The following HMCN1 variants were observed in gnomAD, a reference collection of about 807,000 sequenced individuals.
The protein encoded by HMCN1 is hemicentin 1.
HMCN1 carries 321 observed loss-of-function variants against 625.9 expected under a neutral mutation model. The observed-to-expected ratio is 0.51, with a 90% CI of 0.47 to 0.56. The LOEUF (loss-of-function observed/expected upper bound fraction) is 0.56, where lower values mean the gene tolerates loss of function less well. HMCN1 is among the 20% of genes least tolerant of loss of function. HMCN1 has a pLI of 0.00. For synonymous variants in HMCN1, 2,425 were observed against 2,417.6 expected (o/e 1.00, Z -0.09); for missense variants, 6,588 against 6,887.3 (o/e 0.96, Z 1.54).
intron 14 of HMCN1, 64 bp from the exon 15 acceptor site, chr1:185,970,266 TAAACC>T: frequency 6.9e-7 from 1 of 1,440,282 alleles, no homozygotes; most frequent in Non-Finnish European, 9.8e-7. Flanking sequence ...GTTTTGAAAT[TAAACC>T]AATAGCTGCA....
intron 1 of HMCN1, among the ~76,000 whole-genome samples, chr1:185,773,201 G>T (rs1423546586): frequency 6.6e-6 from 1 of 152,118 alleles, no homozygotes; most frequent in African/African-American, 2.4e-5. Context: ...TATCACAAGT[G>T]GGGAAAGCTA....
intron 10 of HMCN1, among the ~76,000 whole-genome samples, chr1:185,932,085 A>G (rs1411364862): frequency 6.6e-6 from 1 of 152,208 alleles, no homozygotes; most frequent in Non-Finnish European, 1.5e-5. Flanking sequence ...CAGATTTAAC[A>G]AAGTGTCCTG....
chr1:185,771,869 A>C (rs1484580401), intron 1 of HMCN1, among the ~76,000 whole-genome samples: 1 of 152,168 alleles, frequency 6.6e-6, no homozygotes, highest in Non-Finnish European at 1.5e-5. Flanking sequence ...AATTTGATAC[A>C]TTACGTGCTT....
chr1:185,881,000 C>A (rs966441149), intron 4 of HMCN1, among the ~76,000 whole-genome samples: 1 of 152,176 alleles, frequency 6.6e-6, no homozygotes, highest in Non-Finnish European at 1.5e-5. Flanking sequence ...AAAATCTTTG[C>A]GGCAGCATCC....
chr1:186,090,986 C>T, intron 64 of HMCN1, 69 bp downstream of exon 64: 5 of 1,461,558 alleles, frequency 3.4e-6, no homozygotes, highest in Non-Finnish European at 4.8e-6. Flanking sequence ...CTTCAAATTT[C>T]ACATGAATAA....
chr1:185,987,126 T>C (rs1652051513), intron 19 of HMCN1, among the ~76,000 whole-genome samples: 1 of 151,688 alleles, frequency 6.6e-6, no homozygotes, highest in Non-Finnish European at 1.5e-5. Context: ...CTGTCTTGGG[T>C]TTCCAGCAAA....
chr1:186,173,060 T>G (rs1041317281), intron 102 of HMCN1, among the ~76,000 whole-genome samples: 4 of 152,222 alleles, frequency 2.6e-5, no homozygotes, highest in Admixed American at 6.5e-5. Context: ...GTGTTAAAAT[T>G]CATTGTTCCT....
chr1:186,018,906 G>C (rs944574094), intron 34 of HMCN1, among the ~76,000 whole-genome samples: 1 of 152,062 alleles, frequency 6.6e-6, no homozygotes, highest in Non-Finnish European at 1.5e-5. Context: ...TGTCTCACTT[G>C]CTGGCAGAAC....
At chr1:185,969,226 C>T (rs553088451) in intron 14 of HMCN1, among the ~76,000 whole-genome samples, 36 of 152,284 alleles carry the variant, frequency 2.4e-4, no homozygotes, top group African/African-American at 6.0e-4. Flanking sequence ...AGAGGCATAT[C>T]GACACAGCTT....
rs181350557 is a variant in HMCN1, at chr1:185,895,321, T to C, written c.622-14016T>C. On this transcript the variant is annotated intron_variant, in intron 4 of 106. Transcript: ENST00000271588. ...CAAGATATTTTGTGGGTTTTGAGTATTAGATAATTATCCTATACTTCCATT... is the reference window on the plus strand; with the variant it reads ...CAAGATATTTTGTGGGTTTTGAGTACTAGATAATTATCCTATACTTCCATT... Among the ~76,000 whole-genome samples the C allele has an allele frequency of 3.3e-5, 5 of 152,298 alleles. No homozygotes were observed. The East Asian group carries it at 9.6e-4, about 29-fold the overall frequency.
Position 186,189,701 on chromosome 1 carries a change from T to C in HMCN1, c.16731T>C (p.Thr5577=), listed in dbSNP as rs146867591. 761 of 1,613,434 alleles carry C rather than the reference T, an allele frequency of 4.7e-4. 3 individuals carry two copies. The highest frequency in any genetic ancestry group is 5.8e-4 in the Admixed American group (35 of 59,958). Residue 5577 remains threonine (T), a synonymous_variant, in exon 107 of 107, where the codon ACT becomes ACC. Coordinates refer to ENST00000271588, the MANE Select transcript of HMCN1 (RefSeq NM_031935.3). ...TTFLMVDEEQ[T]VPFALRDENL... ...TCCTCATGGTAGATGAGGAACAGAC[T>C]GTTCCTTTTGCCTTGAGGGATGAAA...
intron 105 of HMCN1, among the ~76,000 whole-genome samples, chr1:186,185,018 G>A (rs1336334285): frequency 6.6e-6 from 1 of 152,114 alleles, no homozygotes; most frequent in Non-Finnish European, 1.5e-5. Flanking sequence ...GAGGGTAATA[G>A]ACCAGAGACA....
Position 186,093,621 on chromosome 1 carries a change from T to C in HMCN1, c.10148T>C (p.Leu3383Pro). Reference sequence around the variant, plus strand: ...AACTGGCTGAAGAATGGACTTCCTCTGCCTCTCTCCTCCCATATCCGGTTA... The same window carrying C: ...AACTGGCTGAAGAATGGACTTCCTCCGCCTCTCTCCTCCCATATCCGGTTA... ...QINWLKNGLP[L>P]PLSSHIRLLA... The change falls in exon 66 of 107, where the codon CTG becomes CCG. Residue 3383 changes from leucine to proline, a missense_variant. Coordinates refer to ENST00000271588, the MANE Select transcript of HMCN1 (RefSeq NM_031935.3). The C allele has an allele frequency of 6.2e-7, 1 of 1,613,462 alleles. No individual in the cohort carries two copies. The highest frequency in any genetic ancestry group is 1.3e-5 in the African/African-American group (1 of 75,008).
At chr1:185,961,244 C>T (rs1649997965) in intron 11 of HMCN1, among the ~76,000 whole-genome samples, 1 of 152,178 alleles carries the variant, frequency 6.6e-6, no homozygotes, top group Non-Finnish European at 1.5e-5. Context: ...TATAGATTCC[C>T]CAAGCTGTTG....
At chr1:186,069,200 T>C (rs1449927341) in intron 50 of HMCN1, among the ~76,000 whole-genome samples, 2 of 152,220 alleles carry the variant, frequency 1.3e-5, no homozygotes, top group African/African-American at 4.8e-5. Flanking sequence ...TTTGAATGCC[T>C]GAATTAAGAA....
chr1:185,811,424 TA>T (rs887376865), intron 1 of HMCN1, among the ~76,000 whole-genome samples: 129 of 146,328 alleles, frequency 8.8e-4, no homozygotes, highest in African/African-American at 2.5e-3. Context: ...ACCTCAGCTC[TA>T]AAAAAAAAAA....
chr1:186,118,205 G>A (rs1440788926), intron 77 of HMCN1, among the ~76,000 whole-genome samples: 4 of 151,992 alleles, frequency 2.6e-5, no homozygotes, highest in Non-Finnish European at 4.4e-5. Flanking sequence ...GGTGATTCAC[G>A]TTGGTGTTTC....
chr1:186,094,822 C>G (rs1458995357), intron 67 of HMCN1, among the ~76,000 whole-genome samples: 1 of 152,160 alleles, frequency 6.6e-6, no homozygotes. Context: ...CCACATTTCT[C>G]AATCCCCAAG....
intron 11 of HMCN1, among the ~76,000 whole-genome samples, chr1:185,946,233 A>G (rs916523127): frequency 2.6e-5 from 4 of 152,186 alleles, no homozygotes; most frequent in African/African-American, 7.2e-5. Flanking sequence ...GTTAAAGGCT[A>G]GATTTTTTAG....
Sources: gnomAD v4.1 joint callset for allele counts (sites outside exome capture counted in the v4.1 genomes callset) on GRCh38, gnomAD v4.1.1 for gene constraint, MANE v1.5 for transcripts, NCBI Gene and HGNC (gene_info 2026-07-23, HGNC 2026-07-21) for gene names.